Variants in KIF1B observed in about 807,000 individuals in gnomAD.
KIF1B encodes the protein kinesin family member 1B.
In KIF1B, 76 loss-of-function variants were observed where a neutral mutation model predicts 241.9. That is an observed-to-expected ratio of 0.31 (90% CI 0.26 to 0.38). The LOEUF (loss-of-function observed/expected upper bound fraction) is 0.38. Ranked by LOEUF, KIF1B falls within the 10% of genes least tolerant of loss-of-function variation. The pLI, the probability that KIF1B is intolerant of heterozygous loss-of-function variation, is 1.00. For synonymous variants in KIF1B, 750 were observed against 796.7 expected (o/e 0.94, Z 0.99); for missense variants, 1,622 against 2,271.4 (o/e 0.71, Z 5.81).
chr1:10,304,404 A>C lies in KIF1B; in HGVS notation c.2115+7158A>C, dbSNP rs756525524. On this transcript the variant is annotated intron_variant, in intron 22 of 48. Coordinates refer to ENST00000676179, the MANE Select transcript of KIF1B (RefSeq NM_001365951.3). Reference sequence around the variant, plus strand: ...AGGCATCTGCCTCCGCGGAGTCATTAAACTCCCACAGTGGTCACCCCACTG... The same window carrying C: ...AGGCATCTGCCTCCGCGGAGTCATTCAACTCCCACAGTGGTCACCCCACTG... The C allele has an allele frequency of 8.1e-5, 130 of 1,614,012 alleles. 1 individual carries two copies. The highest frequency in any genetic ancestry group is 1.5e-4 in the Admixed American group (9 of 60,004).
intron 22 of KIF1B, among the ~76,000 whole-genome samples, chr1:10,300,624 A>G (rs1355759164): frequency 1.3e-5 from 2 of 152,210 alleles, no homozygotes; most frequent in Non-Finnish European, 2.9e-5. Flanking sequence ...TGAAGAGGAA[A>G]AGAAAAACAG....
At chr1:10,367,015 G>T (rs1050111981) in intron 43 of KIF1B, among the ~76,000 whole-genome samples, 6 of 152,078 alleles carry the variant, frequency 3.9e-5, no homozygotes, top group Non-Finnish European at 7.4e-5. Flanking sequence ...AGAATGGATT[G>T]ATGGTGAAGA....
Position 10,302,886 on chromosome 1 carries a change from A to G in KIF1B, c.2115+5640A>G, listed in dbSNP as rs114077282. Among the ~76,000 whole-genome samples the G allele has an allele frequency of 4.1e-3, 623 of 152,310 alleles. 4 individuals carry two copies. Among genetic ancestry groups the G allele is most frequent in the African/African-American group, 0.014 (580 of 41,556 alleles). On this transcript the variant is annotated intron_variant, in intron 22 of 48. Coordinates refer to ENST00000676179, the MANE Select transcript of KIF1B (RefSeq NM_001365951.3). ...CAATTCTCCTAAGAAATTTGGTGGC[A>G]AATTTCATCACTTAAGCCAGAAAGT...
chr1:10,238,392 A>G (rs900213064), intron 2 of KIF1B, among the ~76,000 whole-genome samples: 2 of 151,304 alleles, frequency 1.3e-5, no homozygotes, highest in Non-Finnish European at 2.9e-5. Flanking sequence ...AAAAAAAAAA[A>G]AAAAAAAAAT....
At chr1:10,375,115 G>A in intron 47 of KIF1B, 69 bp downstream of exon 47, 9 of 1,542,890 alleles carry the variant, frequency 5.8e-6, no homozygotes, top group Non-Finnish European at 8.1e-6. Context: ...TGCACTCTCT[G>A]TTACGTGGTG....
rs201224213 is a variant in KIF1B at position 10,336,753 on chromosome 1, G to T, written c.3129+11G>T. 13 of 1,600,236 alleles carry T rather than the reference G, an allele frequency of 8.1e-6. No homozygotes were observed. In the East Asian group the frequency reaches 2.7e-4, roughly 33 times the overall value. On this transcript the variant is annotated intron_variant, in intron 29 of 48. Coordinates refer to ENST00000676179, the MANE Select transcript of KIF1B (RefSeq NM_001365951.3). Reference sequence around the variant, plus strand: ...GAATACTTTAATCAGGTGAGAAACCGTCAGGAAGAAGGAAAACCCTGTGGA... The same window carrying T: ...GAATACTTTAATCAGGTGAGAAACCTTCAGGAAGAAGGAAAACCCTGTGGA...
chr1:10,213,677 A>C (rs1646725535), intron 1 of KIF1B, among the ~76,000 whole-genome samples: 1 of 152,194 alleles, frequency 6.6e-6, no homozygotes, highest in Non-Finnish European at 1.5e-5. Flanking sequence ...TGTCTATTTC[A>C]TGTATTTCTC....
chr1:10,342,103 T>C lies in KIF1B; in HGVS notation c.3567T>C (p.Ile1189=), dbSNP rs565936425. ...SFVDYIKTKP[I]VFEVFGHYQQ... The stretch of plus-strand genomic sequence containing the variant: ...TGGATTACATCAAAACCAAGCCTAT[T>C]GTATTTGAAGTCTTTGGGCATTATC... Residue 1189 remains isoleucine (I), a synonymous_variant, in exon 33 of 49, where the codon ATT becomes ATC. Transcript: ENST00000676179. 3.1e-6 allele frequency: 5 copies of C among 1,613,924 alleles called. 1 individual carries two copies. In the East Asian group the frequency reaches 1.1e-4, roughly 36 times the overall value.
At chr1:10,357,592 G>T (rs150305139) in intron 38 of KIF1B, among the ~76,000 whole-genome samples, 1 of 152,286 alleles carries the variant, frequency 6.6e-6, no homozygotes, top group African/African-American at 2.4e-5. Flanking sequence ...AATTAGCCGG[G>T]TGTGGTGGCT....
At chr1:10,282,767 A>T (rs1649476069) in intron 15 of KIF1B, among the ~76,000 whole-genome samples, 1 of 151,496 alleles carries the variant, frequency 6.6e-6, no homozygotes, top group African/African-American at 2.5e-5. Context: ...TAGGCTGGCA[A>T]GGCAGAGTAA....
chr1:10,315,222 C>G (rs1159831045), intron 22 of KIF1B, among the ~76,000 whole-genome samples: 1 of 141,376 alleles, frequency 7.1e-6, no homozygotes, highest in African/African-American at 2.8e-5. Context: ...CTCTGTTGCC[C>G]AGGCTAGAGC....
chr1:10,297,283 G>A (rs1316027685), intron 22 of KIF1B, 37 bp downstream of exon 22: 2 of 1,579,954 alleles, frequency 1.3e-6, no homozygotes, highest in East Asian at 2.2e-5. Context: ...TTGGGAAAAG[G>A]GCAGCTTGTT....
At chr1:10,216,957 CTTTTTTTTTTTTTTTTTTTTTTTT>C (rs70998362) in intron 1 of KIF1B, among the ~76,000 whole-genome samples, 626 of 54,628 alleles carry the variant, frequency 0.011, 31 homozygotes, top group African/African-American at 0.038. Context: ...TGCCCATTTT[CTTTTTTTTTTTTTTTTTTTTTTTT>C]TTTTTTTTTT....
intron 22 of KIF1B, chr1:10,304,515 G>C (rs757276577): frequency 1.1e-5 from 17 of 1,613,612 alleles, no homozygotes; most frequent in African/African-American, 6.7e-5. Context: ...GTCAGTTAGA[G>C]GGCAATGCAG....
chr1:10,239,163 C>A (rs958170459), intron 2 of KIF1B, among the ~76,000 whole-genome samples: 2 of 152,110 alleles, frequency 1.3e-5, no homozygotes, highest in African/African-American at 2.4e-5. Context: ...CCATGTTGCC[C>A]ATGCTGGTCC....
intron 4 of KIF1B, among the ~76,000 whole-genome samples, chr1:10,259,894 C>CT (rs1349379256): frequency 6.6e-6 from 1 of 151,812 alleles, no homozygotes; most frequent in Non-Finnish European, 1.5e-5. Flanking sequence ...GATGATCTGC[C>CT]TGCCTCGACT....
chr1:10,238,918 G>T lies in KIF1B; in HGVS notation c.106+6484G>T, dbSNP rs556078538. On this transcript the variant is annotated intron_variant, in intron 2 of 48. Transcript: ENST00000676179. ...CCACAGCATACTGCTGCTTTTGATG[G>T]ATTTTTTTGGTACTTTTTTCTTTCA... is the stretch of plus-strand genomic sequence containing the variant. 4.7e-4 allele frequency among the ~76,000 whole-genome samples: 71 copies of T among 152,122 alleles called. 2 individuals are homozygous for T. In the South Asian group the frequency reaches 0.015, roughly 32 times the overall value.
Position 10,375,288 on chromosome 1 carries a change from C to T in KIF1B, c.5323C>T (p.Arg1775Cys), listed in dbSNP as rs769837316. ...CACCTTTGCTGTCTGCACAAAGCAC[C>T]GTGGGGTCCTTTTGCAGGCCCTCAA... ...PNTFAVCTKHRGVLLQALNDK... is the reference protein window; with the variant it reads ...PNTFAVCTKHCGVLLQALNDK... The change falls in exon 48 of 49, where the codon CGT becomes TGT. Residue 1775 changes from arginine (R) to cysteine (C), a missense_variant. Arg to Cys is a radical substitution (Grantham distance 180). Coordinates refer to ENST00000676179, the MANE Select transcript of KIF1B (RefSeq NM_001365951.3). 5 of 1,613,070 alleles carry T rather than the reference C, an allele frequency of 3.1e-6. No individual in the cohort carries two copies. Among genetic ancestry groups the T allele is most frequent in the Admixed American group, 1.7e-5 (1 of 59,986 alleles).
At chr1:10,364,544 C>T (rs1385691998) in intron 41 of KIF1B, among the ~76,000 whole-genome samples, 1 of 152,042 alleles carries the variant, frequency 6.6e-6, no homozygotes, top group Non-Finnish European at 1.5e-5. Flanking sequence ...AATATTTCTG[C>T]ATTTTCACCT....
Sources: gnomAD v4.1 joint callset for allele counts (sites outside exome capture counted in the v4.1 genomes callset) on GRCh38, gnomAD v4.1.1 for gene constraint, MANE v1.5 for transcripts, NCBI Gene and HGNC (gene_info 2026-07-23, HGNC 2026-07-21) for gene names.